The following NRP1 variants were observed in gnomAD, a reference collection of about 807,000 sequenced individuals.
The protein encoded by NRP1 is neuropilin 1, also known as neuropilin-1.
In NRP1, 35 loss-of-function variants were observed where a neutral mutation model predicts 106.7. The ratio of observed to expected loss-of-function variants is 0.33; its 90% CI spans 0.25 to 0.43. NRP1 has a LOEUF of 0.43. NRP1 is among the 20% of genes least tolerant of loss of function. The pLI is 1.00. For missense variants in NRP1, 1,024 were observed against 1,170.4 expected (o/e 0.87, Z 1.83); for synonymous variants, 437 against 417.9 (o/e 1.05, Z -0.56).
intron 11 of NRP1, among the ~76,000 whole-genome samples, chr10:33,198,398 T>C (rs935665267): frequency 1.3e-5 from 2 of 151,982 alleles, no homozygotes; most frequent in African/African-American, 4.8e-5. Context: ...CACCTCAGCC[T>C]CCCAAAGTGC....
chr10:33,270,152 T>C (rs1317128240), intron 3 of NRP1, among the ~76,000 whole-genome samples: 1 of 143,742 alleles, frequency 7.0e-6, no homozygotes, highest in Non-Finnish European at 1.5e-5. Flanking sequence ...ATTGCTGAAA[T>C]ACATTTTTTT....
At chr10:33,240,179 G>T (rs1840905126) in intron 6 of NRP1, among the ~76,000 whole-genome samples, 1 of 152,142 alleles carries the variant, frequency 6.6e-6, no homozygotes, top group African/African-American at 2.4e-5. Flanking sequence ...CCTTTCCAAG[G>T]TGAAGTTATT....
intron 6 of NRP1, among the ~76,000 whole-genome samples, chr10:33,237,913 A>G (rs1304936356): frequency 6.6e-6 from 1 of 152,154 alleles, no homozygotes; most frequent in Non-Finnish European, 1.5e-5. Context: ...AGCAAAGATA[A>G]GTGTCCTCTC....
intron 2 of NRP1, among the ~76,000 whole-genome samples, chr10:33,319,778 G>A (rs1233240763): frequency 2.0e-5 from 3 of 150,976 alleles, no homozygotes; most frequent in Admixed American, 6.6e-5. Flanking sequence ...AGTGGAGACG[G>A]GGTTTCACCA....
At chr10:33,193,327 T>C (rs1270598235) in intron 12 of NRP1, among the ~76,000 whole-genome samples, 1 of 152,144 alleles carries the variant, frequency 6.6e-6, no homozygotes, top group Non-Finnish European at 1.5e-5. Context: ...ATGGGAAAAA[T>C]GAAATCATTG....
At chr10:33,269,668 A>G (rs1289056081) in intron 3 of NRP1, among the ~76,000 whole-genome samples, 1 of 152,206 alleles carries the variant, frequency 6.6e-6, no homozygotes, top group East Asian at 1.9e-4. Context: ...GCAGGCGAGC[A>G]AAGTGTTGTC....
In NRP1 at chr10:33,318,206, A is replaced by G. The variant is rs565420387; in HGVS notation, c.248+12502T>C. 3.3e-5 allele frequency among the ~76,000 whole-genome samples: 5 copies of G among 152,322 alleles called. No individual in the cohort carries two copies. In the South Asian group the frequency reaches 1.0e-3, roughly 32 times the overall value. The stretch of plus-strand genomic sequence containing the variant: ...ACTCAGGCAGACTCTGATGTAGGCA[A>G]CCTGGTCACTGTCACATCTTCCTGG... On this transcript the variant is annotated intron_variant, in intron 2 of 16. Coordinates refer to ENST00000374867, the MANE Select transcript of NRP1 (RefSeq NM_003873.7).
At chr10:33,320,261 C>T (rs761916596) in intron 2 of NRP1, among the ~76,000 whole-genome samples, 9 of 151,216 alleles carry the variant, frequency 6.0e-5, no homozygotes, top group East Asian at 2.0e-4. Context: ...TGCAGTGAGC[C>T]GACTTTGCGC....
At chr10:33,281,037 TC>T (rs1327493272) in intron 2 of NRP1, among the ~76,000 whole-genome samples, 1 of 141,420 alleles carries the variant, frequency 7.1e-6, no homozygotes, top group Non-Finnish European at 1.5e-5. Context: ...TCTGCTCCAC[TC>T]CCTGCAGCCT....
At chr10:33,293,988 A>G (rs754046500) in intron 2 of NRP1, among the ~76,000 whole-genome samples, 3 of 152,232 alleles carry the variant, frequency 2.0e-5, no homozygotes, top group Admixed American at 6.5e-5. Flanking sequence ...AATACCAACT[A>G]AAATACACTC....
chr10:33,194,925 C>T (rs186253126), intron 12 of NRP1: 14 of 361,796 alleles, frequency 3.9e-5, no homozygotes, highest in Middle Eastern at 4.0e-4. Context: ...GGACTACTGA[C>T]GTTTACGTTT....
intron 13 of NRP1, among the ~76,000 whole-genome samples, chr10:33,189,311 C>A (rs531663706): frequency 2.6e-5 from 4 of 152,200 alleles, no homozygotes; most frequent in Non-Finnish European, 5.9e-5. Flanking sequence ...GCTTCCCATA[C>A]AAAAACCTGT....
At chr10:33,297,788 C>T (rs771030460) in intron 2 of NRP1, among the ~76,000 whole-genome samples, 7 of 151,648 alleles carry the variant, frequency 4.6e-5, no homozygotes, top group South Asian at 2.1e-4. Flanking sequence ...TCTGTCCTGA[C>T]GGCAGAGGGA....
chr10:33,306,277 C>T (rs1478398095), intron 2 of NRP1, among the ~76,000 whole-genome samples: 1 of 151,960 alleles, frequency 6.6e-6, no homozygotes, highest in African/African-American at 2.4e-5. Flanking sequence ...AGAGGCAGGA[C>T]AATGAGTGTT....
chr10:33,289,256 C>A (rs937694620), intron 2 of NRP1, among the ~76,000 whole-genome samples: 4 of 152,148 alleles, frequency 2.6e-5, no homozygotes. Flanking sequence ...TTACATTAAA[C>A]CTTATAAAAA....
chr10:33,332,825 C>A (rs1443925671), intron 1 of NRP1, among the ~76,000 whole-genome samples: 1 of 152,116 alleles, frequency 6.6e-6, no homozygotes, highest in Non-Finnish European at 1.5e-5. Flanking sequence ...TAAAGCTCAA[C>A]AACTAAAGCC....
At chr10:33,249,616 G>A (rs1588843454) in intron 6 of NRP1, 1 of 427,180 alleles carries the variant, frequency 2.3e-6, no homozygotes. Context: ...AGCAGCTCTG[G>A]GACACAGAAT....
At chr10:33,207,954 C>G (rs1837940103) in intron 9 of NRP1, among the ~76,000 whole-genome samples, 1 of 152,118 alleles carries the variant, frequency 6.6e-6, no homozygotes, top group African/African-American at 2.4e-5. Flanking sequence ...GAGATGGGGT[C>G]TCACTCTGTC....
In NRP1 at chr10:33,306,952, C is replaced by T. The variant is rs115849611; in HGVS notation, c.248+23756G>A. 6.9e-3 allele frequency among the ~76,000 whole-genome samples: 1,054 copies of T among 152,322 alleles called. 16 individuals carry two copies. The highest frequency in any genetic ancestry group is 0.025 in the African/African-American group (1,023 of 41,572). The stretch of plus-strand genomic sequence containing the variant: ...CTCAAGAAAGTACACAAAGAAAAGA[C>T]TCAGGGCAGAGCTACAGCTGCCTGA... On this transcript the variant is annotated intron_variant, in intron 2 of 16. Transcript: ENST00000374867.
Sources: allele counts gnomAD v4.1 joint callset (sites outside exome capture counted in the v4.1 genomes callset), GRCh38; gene constraint gnomAD v4.1.1; transcripts MANE v1.5; gene names NCBI Gene and HGNC (gene_info 2026-07-23, HGNC 2026-07-21).